KIF1A: variants seen among roughly 807,000 people sequenced by gnomAD.
KIF1A encodes the protein kinesin-like protein KIF1A.
A neutral mutation model predicts 227.3 loss-of-function variants in KIF1A; 46 were observed. The observed-to-expected ratio is 0.20, with a 90% confidence interval of 0.16 to 0.26. The LOEUF is 0.26. Among genes scored for constraint, KIF1A ranks in the 10% least tolerant of loss-of-function variants. The pLI is 1.00. For synonymous variants in KIF1A, 1,022 were observed against 1,012.8 expected, an observed-to-expected ratio of 1.01 and a Z score of -0.17; for missense variants, 1,683 against 2,485.9, an observed-to-expected ratio of 0.68 and a Z score of 6.87.
intron 8 of KIF1A, 109 bp downstream of exon 8, chr2:240,783,630 A>C: frequency 1.3e-6 from 1 of 787,376 alleles, no homozygotes; most frequent in South Asian, 1.8e-5. Context: ...ATGCAGGCTC[A>C]CCCTCAGGGT....
chr2:240,773,286 C>T (rs1229849542), intron 12 of KIF1A, 30 bp from the exon 13 acceptor site: 3 of 1,612,960 alleles, frequency 1.9e-6, no homozygotes, highest in African/African-American at 1.3e-5. Context: ...GTGGGCTGTG[C>T]TCGGGACAGG....
intron 14 of KIF1A, among the ~76,000 whole-genome samples, chr2:240,771,808 C>T (rs1369865963): frequency 2.0e-5 from 3 of 152,244 alleles, no homozygotes; most frequent in African/African-American, 4.8e-5. Context: ...CCCTCCACCA[C>T]GAGGAGCTCA....
chr2:240,765,932 T>G, intron 19 of KIF1A, 139 bp from the exon 20 acceptor site: 1 of 658,804 alleles, frequency 1.5e-6, no homozygotes, highest in Admixed American at 2.6e-5. Context: ...CCGTGACCAT[T>G]GGCAACACTC....
rs1479045660 is a variant in KIF1A, at chr2:240,740,754, C to T, written c.3750-390G>A. ...GGCTCGTCTTCTCCAACATCTAAGG[C>T]TCCTGTCCCACTCTGGGCAAGGATC... On this transcript the variant is annotated intron_variant, in intron 35 of 48. Coordinates refer to ENST00000498729, the MANE Select transcript of KIF1A (RefSeq NM_001244008.2). The surrounding 1 kb of genome is among the most constrained non-coding windows in gnomAD (Gnocchi z 6.1). Among the ~76,000 whole-genome samples the T allele has an allele frequency of 6.6e-6, 1 of 152,052 alleles. No individual in the cohort carries two copies. The highest frequency in any genetic ancestry group is 1.5e-5 in the Non-Finnish European group (1 of 67,974).
At chr2:240,767,904 G>A (rs2051410888) in intron 17 of KIF1A, among the ~76,000 whole-genome samples, 4 of 152,244 alleles carry the variant, frequency 2.6e-5, no homozygotes, top group South Asian at 4.1e-4. Flanking sequence ...AGTTGTGAAG[G>A]GATCCTTGAT....
intron 12 of KIF1A, among the ~76,000 whole-genome samples, chr2:240,773,590 G>A (rs2052307752): frequency 6.6e-6 from 1 of 152,146 alleles, no homozygotes; most frequent in African/African-American, 2.4e-5. Context: ...AAGTCCAGTG[G>A]GAAAATGTGA....
chr2:240,783,888 AG>A (rs2054386294), intron 7 of KIF1A, 72 bp from the exon 8 acceptor site: 2 of 1,160,034 alleles, frequency 1.7e-6, no homozygotes, highest in Admixed American at 4.0e-5. Flanking sequence ...CCCCTGGGCA[AG>A]GTCTCCACAG....
At chr2:240,771,148 G>T in intron 14 of KIF1A, 44 bp from the exon 15 acceptor site, 7 of 1,611,824 alleles carry the variant, frequency 4.3e-6, no homozygotes, top group Non-Finnish European at 5.1e-6. Context: ...TCCCGCCACG[G>T]TTAAGGTTAT....
At chr2:240,764,963 A>G (rs2050978242) in intron 20 of KIF1A, among the ~76,000 whole-genome samples, 1 of 152,112 alleles carries the variant, frequency 6.6e-6, no homozygotes, top group Non-Finnish European at 1.5e-5. Context: ...CCACCTGCCC[A>G]TGGATTTCAA....
chr2:240,720,773 C>T lies in KIF1A; in HGVS notation c.4868+141G>A, dbSNP rs2045256946. 5 of 1,028,434 alleles carry T rather than the reference C, an allele frequency of 4.9e-6. No individual in the cohort carries two copies. In the South Asian group the frequency reaches 7.3e-5, roughly 15 times the overall value. 63.7% of individuals were successfully genotyped at this position (1,028,434 alleles called of 1,614,324 possible). A position where few individuals can be genotyped will look rare whatever the true frequency, so the allele number is the denominator to read the frequency against. ...GGGCTGCGGACTCCACTCCTCCAGGCCCTTCCCTCAGCCTGTGGCCACCCC... is the reference window on the plus strand; with the variant it reads ...GGGCTGCGGACTCCACTCCTCCAGGTCCTTCCCTCAGCCTGTGGCCACCCC... On this transcript the variant is annotated intron_variant, in intron 45 of 48. Transcript: ENST00000498729.
rs770282705 is a variant in KIF1A at position 240,771,067 on chromosome 2, C to G, written c.1245G>C (p.Ser415=). Residue 415 remains serine (S), a synonymous_variant, in exon 15 of 49, where the codon TCG becomes TCC. Coordinates refer to ENST00000498729, the MANE Select transcript of KIF1A (RefSeq NM_001244008.2). ...CCGCGCGGCTGGACAGGGCTGAGAG[C>G]GAGGATGAGGGGCTCATACCCACCA... ...NALVGMSPSS[S]LSALSSRAAS... The G allele has an allele frequency of 1.2e-6, 2 of 1,613,414 alleles. No homozygotes were observed. Among genetic ancestry groups the G allele is most frequent in the African/African-American group, 2.7e-5 (2 of 74,996 alleles).
chr2:240,723,907 G>T, intron 41 of KIF1A, 68 bp downstream of exon 41: 2 of 1,314,274 alleles, frequency 1.5e-6, no homozygotes. Context: ...CTTCGCTGTG[G>T]TCACCCCAAG....
Position 240,752,967 on chromosome 2 carries a change from C to A in KIF1A, c.2859-2420G>T, listed in dbSNP as rs985082753. Among the ~76,000 whole-genome samples the A allele has an allele frequency of 6.6e-6, 1 of 152,200 alleles. No homozygotes were observed. Among genetic ancestry groups the A allele is most frequent in the Admixed American group, 6.5e-5 (1 of 15,290 alleles). Reference sequence around the variant, plus strand: ...CCACCCAGACAGGGTCAGACACTACCTTTCCTACCCCCAAAGACCCATCAC... The same window carrying A: ...CCACCCAGACAGGGTCAGACACTACATTTCCTACCCCCAAAGACCCATCAC... On this transcript the variant is annotated intron_variant, in intron 27 of 48. Transcript: ENST00000498729. This position sits in a 1 kb window ranked among gnomAD's most constrained non-coding sequence, Gnocchi z 6.4.
chr2:240,788,025 G>GCCCCCCCCCCCC lies in KIF1A; in HGVS notation c.363+25_363+26insGGGGGGGGGGGG. ...TGGTCCCGCCCCATCTGCCAGGGCT[G>GCCCCCCCCCCCC]CCCCCGCCCGCCCCCCGCTTCGTGC... On this transcript the variant is annotated intron_variant, in intron 4 of 48. Transcript: ENST00000498729. This position sits in a 1 kb window ranked among gnomAD's most constrained non-coding sequence, Gnocchi z 6.6. The GCCCCCCCCCCCC allele has an allele frequency of 1.4e-6, 2 of 1,466,780 alleles. No homozygotes were observed. The highest frequency in any genetic ancestry group is 1.9e-6 in the Non-Finnish European group (2 of 1,073,804). 90.9% of individuals were successfully genotyped at this position (1,466,780 alleles called of 1,614,324 possible).
rs986918139 is a variant in KIF1A at position 240,717,365 on chromosome 2, C to T, written c.5375G>A (p.Ter1792=). 1.9e-6 allele frequency: 3 copies of T among 1,611,516 alleles called. No homozygotes were observed. The highest frequency in any genetic ancestry group is 2.5e-6 in the Non-Finnish European group (3 of 1,179,554). ...SRRRSAQMRV[*] is the part of the protein sequence containing the mutation. ...CGGCTGTCACGGGAGGGCTCAGGTTCAGACCCGCATCTGGGCAGACCTCCT... is the reference window on the plus strand; with the variant it reads ...CGGCTGTCACGGGAGGGCTCAGGTTTAGACCCGCATCTGGGCAGACCTCCT... Residue 1792 remains the stop codon, a stop_retained_variant, in exon 49 of 49, where the codon TGA becomes TAA. Transcript: ENST00000498729.
intron 18 of KIF1A, 122 bp downstream of exon 18, chr2:240,767,144 G>C (rs2051307592): frequency 1.8e-6 from 2 of 1,104,234 alleles, no homozygotes; most frequent in Non-Finnish European, 2.7e-6. Context: ...GACATCAGTG[G>C]GGTCGCTGGG....
chr2:240,809,464 G>T (rs532502461), intron 1 of KIF1A, among the ~76,000 whole-genome samples: 2 of 152,294 alleles, frequency 1.3e-5, no homozygotes, highest in African/African-American at 4.8e-5. Context: ...ATCTGGGAAA[G>T]GTGGCTTTAC....
At chr2:240,802,367 G>C (rs543245891) in intron 1 of KIF1A, among the ~76,000 whole-genome samples, 6 of 152,270 alleles carry the variant, frequency 3.9e-5, no homozygotes, top group Non-Finnish European at 8.8e-5. Context: ...GAATCCAATA[G>C]AAGGCAGTGA....
chr2:240,768,586 C>T (rs1315801941), intron 17 of KIF1A, among the ~76,000 whole-genome samples: 1 of 152,186 alleles, frequency 6.6e-6, no homozygotes. Context: ...TGCCATGCCC[C>T]ACCTGGGCTG....
Sources: gnomAD v4.1 joint callset for allele counts (sites outside exome capture counted in the v4.1 genomes callset) on GRCh38, gnomAD v4.1.1 for gene constraint, Gnocchi (gnomAD v3.1) non-coding constraint, MANE v1.5 for transcripts, NCBI Gene and HGNC (gene_info 2026-07-23, HGNC 2026-07-21) for gene names.